Variants in ANK2 observed in about 807,000 individuals in gnomAD.
The protein encoded by ANK2 is ankyrin-2.
Under a neutral mutation model 360.5 loss-of-function variants are expected in ANK2, and 83 were observed. The ratio of observed to expected loss-of-function variants is 0.23; its 90% CI spans 0.19 to 0.28. The LOEUF is 0.28. Among genes scored for constraint, ANK2 ranks in the 10% least tolerant of loss-of-function variants. ANK2 has a pLI of 1.00. For synonymous variants in ANK2, 1,740 were observed against 1,759.5 expected (o/e 0.99, Z 0.28); for missense variants, 4,201 against 4,795.7 (o/e 0.88, Z 3.66).
chr4:113,377,717 T>A (rs1466185221), intron 45 of ANK2, among the ~76,000 whole-genome samples: 1 of 152,186 alleles, frequency 6.6e-6, no homozygotes, highest in Non-Finnish European at 1.5e-5. Context: ...TCTTGAATGG[T>A]CAAAAATGAA....
intron 1 of ANK2, among the ~76,000 whole-genome samples, chr4:113,155,539 A>T (rs942652109): frequency 1.3e-5 from 2 of 152,192 alleles, no homozygotes; most frequent in African/African-American, 4.8e-5. Flanking sequence ...CTTATGACCC[A>T]CACTAAAATA....
intron 2 of ANK2, among the ~76,000 whole-genome samples, chr4:113,187,428 T>C (rs1238793281): frequency 1.3e-5 from 2 of 152,198 alleles, no homozygotes; most frequent in Non-Finnish European, 2.9e-5. Flanking sequence ...TAATGGTCAC[T>C]TTGGCCCTTT....
chr4:112,921,111 G>T (rs1324808853), intron 2 of ANK2, among the ~76,000 whole-genome samples: 19 of 149,798 alleles, frequency 1.3e-4, no homozygotes, highest in Non-Finnish European at 2.8e-4. Context: ...GAGTGCAGTG[G>T]TGCGATCTCG....
At position 113,258,353 on chromosome 4, in the gene ANK2, A is replaced by C. The variant is rs779120500; in HGVS notation, c.1328A>C (p.His443Pro). 1 of 1,614,164 alleles carries C rather than the reference A, an allele frequency of 6.2e-7. No individual in the cohort carries two copies. Among genetic ancestry groups the C allele is most frequent in the South Asian group, 1.1e-5 (1 of 91,080 alleles). Residue 443 changes from histidine (H) to proline (P), a missense_variant, in exon 13 of 46, where the codon CAC becomes CCC. Around this residue, in one of 4 missense-constraint regions of ANK2, gnomAD observed 1,268 missense variants for 1,650.8 expected, o/e 0.77. Coordinates refer to ENST00000357077, the MANE Select transcript of ANK2 (RefSeq NM_001148.6). ...TPIHVAAFMGHLNIVLLLLQN... is the reference protein window; with the variant it reads ...TPIHVAAFMGPLNIVLLLLQN... ...ATACATGTGGCTGCCTTCATGGGCC[A>C]CTTGAACATTGTCCTCCTTCTGCTG...
intron 2 of ANK2, among the ~76,000 whole-genome samples, chr4:112,984,149 A>T (rs2044070614): frequency 6.6e-6 from 1 of 152,206 alleles, no homozygotes; most frequent in East Asian, 1.9e-4. Context: ...ATAAAAATCT[A>T]TTTATTTAAT....
intron 21 of ANK2, among the ~76,000 whole-genome samples, 188 bp downstream of exon 21, chr4:113,292,702 T>G (rs1234110958): frequency 6.6e-6 from 1 of 152,144 alleles, no homozygotes; most frequent in East Asian, 1.9e-4. Flanking sequence ...GTGCTTGCCC[T>G]GGGAGGGAAA....
At chr4:113,156,481 G>A (rs182469850) in intron 1 of ANK2, among the ~76,000 whole-genome samples, 278 of 150,628 alleles carry the variant, frequency 1.8e-3, no homozygotes, top group African/African-American at 6.1e-3. Flanking sequence ...AGTGATTCTC[G>A]TGCCTCAGCC....
At chr4:112,774,747 AGT>A in the ANK2 span, among the ~76,000 whole-genome samples, 19 of 152,238 alleles carry the variant, frequency 1.2e-4, no homozygotes, top group African/African-American at 4.3e-4. Flanking sequence ...TCCAAGGAAT[AGT>A]GTGAGTCAAA....
intron 1 of ANK2, among the ~76,000 whole-genome samples, chr4:113,091,376 G>T (rs2154353576): frequency 6.6e-6 from 1 of 152,236 alleles, no homozygotes; most frequent in East Asian, 1.9e-4. Flanking sequence ...CCTTTCTTTT[G>T]ATCAAATTTT....
At chr4:113,346,080 T>C in intron 35 of ANK2, 58 bp downstream of exon 35, 1 of 1,602,094 alleles carries the variant, frequency 6.2e-7, no homozygotes, top group South Asian at 1.1e-5. Context: ...TTTTTAAATC[T>C]TGTTTTAGGT....
intron 1 of ANK2, among the ~76,000 whole-genome samples, chr4:112,834,685 T>C (rs774645778): frequency 6.6e-6 from 1 of 152,238 alleles, no homozygotes; most frequent in Non-Finnish European, 1.5e-5. Flanking sequence ...TATAATCCAA[T>C]ATCCAGTCCA....
chr4:113,301,107 G>A (rs2074717129), intron 22 of ANK2, among the ~76,000 whole-genome samples: 1 of 152,010 alleles, frequency 6.6e-6, no homozygotes, highest in Non-Finnish European at 1.5e-5. Flanking sequence ...CCTATTTTTT[G>A]TACTTTGGTG....
At chr4:112,799,764 C>T in the ANK2 span, among the ~76,000 whole-genome samples, 4 of 151,118 alleles carry the variant, frequency 2.6e-5, no homozygotes, top group South Asian at 2.1e-4. Flanking sequence ...GTGATCCGCC[C>T]GCCTCAGCCT....
At chr4:113,274,754 T>G in intron 15 of ANK2, 105 bp downstream of exon 15, 1 of 1,185,286 alleles carries the variant, frequency 8.4e-7, no homozygotes, top group Non-Finnish European at 1.2e-6. Context: ...CCTCAGGCCT[T>G]GACTTACTTC....
chr4:112,852,210 A>G (rs1157352870), intron 1 of ANK2, among the ~76,000 whole-genome samples: 1 of 152,246 alleles, frequency 6.6e-6, no homozygotes, highest in Non-Finnish European at 1.5e-5. Flanking sequence ...TTTGGAACAC[A>G]CCATGCTCAT....
rs1312442233 is a variant in ANK2 at position 113,371,631 on chromosome 4, T to G, written c.11611-1459T>G. On this transcript the variant is annotated intron_variant, in intron 43 of 45. Coordinates refer to ENST00000357077, the MANE Select transcript of ANK2 (RefSeq NM_001148.6). ...AGGCATTTCTCTTAAGCTTCCCATG[T>G]GGACCCTTATTTCTCATAACCCTAA... Among the ~76,000 whole-genome samples, 11 of 152,360 alleles carry G rather than the reference T, an allele frequency of 7.2e-5. No individual in the cohort carries two copies. The East Asian group carries it at 2.1e-3, about 29-fold the overall frequency.
chr4:113,117,019 G>T, intron 1 of ANK2: 1 of 289,786 alleles, frequency 3.5e-6, no homozygotes, highest in Non-Finnish European at 6.8e-6. Context: ...GAGTGTGGGT[G>T]CACACCTATG....
intron 1 of ANK2, chr4:112,880,226 G>C (rs2076340100): frequency 6.6e-6 from 1 of 152,116 alleles, no homozygotes; most frequent in African/African-American, 2.4e-5. Context: ...ATGCTTAAAA[G>C]TTTCCTCCAA....
At chr4:112,958,623 G>GGGGAGA (rs756617429) in intron 2 of ANK2, among the ~76,000 whole-genome samples, 39 of 151,718 alleles carry the variant, frequency 2.6e-4, no homozygotes, top group Admixed American at 1.6e-3. Flanking sequence ...GAGGGAGAGG[G>GGGGAGA]GGGAGAGGGA....
Sources: gnomAD v4.1 joint callset for allele counts (sites outside exome capture counted in the v4.1 genomes callset) on GRCh38, gnomAD v4.1.1 for gene constraint, gnomAD v4.1.1 regional missense constraint, MANE v1.5 for transcripts, NCBI Gene and HGNC (gene_info 2026-07-23, HGNC 2026-07-21) for gene names.